Variants in BLTP2 observed in about 807,000 individuals in gnomAD.
The protein encoded by BLTP2 is U937-associated antigen.
chr17:28,625,612 T>A, the BLTP2 span, among the ~76,000 whole-genome samples: 1 of 152,186 alleles, frequency 6.6e-6, no homozygotes, highest in African/African-American at 2.4e-5. Context: ...ACTGTTACCA[T>A]CATGCCAGTC....
the BLTP2 span, chr17:28,638,991 C>A: frequency 2.1e-6 from 1 of 465,414 alleles, no homozygotes; most frequent in Non-Finnish European, 3.9e-6. Flanking sequence ...AATAGAAGCA[C>A]TACACAAAGA....
chr17:28,623,088 C>A, the BLTP2 span, among the ~76,000 whole-genome samples: 20 of 151,246 alleles, frequency 1.3e-4, no homozygotes, highest in East Asian at 3.9e-4. Flanking sequence ...AACAAACAAA[C>A]AAAAAAAACA....
the BLTP2 span, among the ~76,000 whole-genome samples, chr17:28,618,051 GC>G: frequency 6.7e-6 from 1 of 150,298 alleles, no homozygotes; most frequent in Admixed American, 6.7e-5. Context: ...TCCTGCCTCA[GC>G]CTCTCAAGCA....
the BLTP2 span, chr17:28,636,889 A>G: frequency 7.9e-7 from 1 of 1,264,228 alleles, no homozygotes; most frequent in African/African-American, 1.5e-5. Flanking sequence ...GACAAGAAAA[A>G]AAAAAAAAAA....
chr17:28,633,410 A>AC, the BLTP2 span: 2 of 1,608,340 alleles, frequency 1.2e-6, no homozygotes, highest in South Asian at 1.1e-5. Flanking sequence ...TCCTATGACC[A>AC]CCCCCGAGAA....
At chr17:28,633,698 T>C in the BLTP2 span, 1 of 1,614,024 alleles carries the variant, frequency 6.2e-7, no homozygotes, top group South Asian at 1.1e-5. Context: ...CCAATTAGTG[T>C]CCAGGCTGGA....
At chr17:28,639,303 G>C in the BLTP2 span, 1 of 1,613,894 alleles carries the variant, frequency 6.2e-7, no homozygotes, top group Non-Finnish European at 8.5e-7. Flanking sequence ...GGCTGAAAAA[G>C]ATCAGACTGA....
the BLTP2 span, chr17:28,623,983 A>G: frequency 6.2e-7 from 1 of 1,609,564 alleles, no homozygotes; most frequent in East Asian, 2.2e-5. Context: ...CAGAGATAGA[A>G]GCAGAGTTAA....
the BLTP2 span, among the ~76,000 whole-genome samples, chr17:28,623,009 A>G: frequency 6.6e-6 from 1 of 151,980 alleles, no homozygotes; most frequent in Non-Finnish European, 1.5e-5. Context: ...CGGGAGGCAG[A>G]GGTTGCAGTG....
chr17:28,638,301 T>C, the BLTP2 span: 4 of 1,613,420 alleles, frequency 2.5e-6, no homozygotes, highest in East Asian at 2.2e-5. Flanking sequence ...AACATGCATA[T>C]TGGGTGGGTG....
the BLTP2 span, chr17:28,621,408 T>C: frequency 6.2e-7 from 1 of 1,613,818 alleles, no homozygotes; most frequent in South Asian, 1.1e-5. Context: ...CCTGTGGTTG[T>C]GGTAACCATG....
chr17:28,641,984 A>G, the BLTP2 span: 1 of 1,614,240 alleles, frequency 6.2e-7, no homozygotes, highest in South Asian at 1.1e-5. Flanking sequence ...GAGTGTCCAC[A>G]CATCCACAGT....
chr17:28,643,801 TA>T, the BLTP2 span: 2 of 913,524 alleles, frequency 2.2e-6, no homozygotes, highest in Non-Finnish European at 3.5e-6. Flanking sequence ...ATTAGAACAG[TA>T]AAATCTTCGA....
At chr17:28,633,819 A>T in the BLTP2 span, 1 of 1,601,786 alleles carries the variant, frequency 6.2e-7, no homozygotes, top group Admixed American at 1.7e-5. Flanking sequence ...TTCACTCCAG[A>T]AGGGTCTCAG....
At chr17:28,615,189 G>A in the BLTP2 span, 89 of 1,614,000 alleles carry the variant, frequency 5.5e-5, no homozygotes, top group East Asian at 1.9e-3. Flanking sequence ...TTAGTTTCTA[G>A]CTTTCCCCGG....
At chr17:28,620,475 G>C in the BLTP2 span, 9 of 1,612,160 alleles carry the variant, frequency 5.6e-6, no homozygotes, top group Non-Finnish European at 6.8e-6. Flanking sequence ...GTTCCTGTGA[G>C]GCTAACCAGC....
At chr17:28,634,576 C>T in the BLTP2 span, 2 of 1,614,166 alleles carry the variant, frequency 1.2e-6, no homozygotes, top group South Asian at 2.2e-5. Flanking sequence ...AAGATCTAAT[C>T]CCTCAGGGGG....
the BLTP2 span, chr17:28,637,901 GAC>G: frequency 1.2e-6 from 2 of 1,614,166 alleles, no homozygotes; most frequent in Non-Finnish European, 1.7e-6. Flanking sequence ...CCACAGTAAT[GAC>G]ACAGATTCCC....
At chr17:28,624,523 A>G in the BLTP2 span, 1 of 681,784 alleles carries the variant, frequency 1.5e-6, no homozygotes, top group Non-Finnish European at 2.3e-6. Context: ...CCCAAACCTA[A>G]AACTCTAGCC....
Sources: gnomAD v4.1 joint callset for allele counts (sites outside exome capture counted in the v4.1 genomes callset) on GRCh38, gnomAD v4.1.1 for gene constraint, MANE v1.5 for transcripts, NCBI Gene and HGNC (gene_info 2026-07-23, HGNC 2026-07-21) for gene names.